RFTN2: variants seen among roughly 807,000 people sequenced by gnomAD.
RFTN2 encodes raftlin-2.
RFTN2 carries 34 observed loss-of-function variants against 52.7 expected under a neutral mutation model. The observed-to-expected ratio is 0.64, with a 90% CI of 0.49 to 0.86. RFTN2 has a LOEUF of 0.86. Among genes scored for constraint, RFTN2 ranks in the 40% least tolerant of loss-of-function variants. The probability of loss-of-function intolerance (pLI) is 0.00; values close to 1 mark genes in which losing one functional copy is unlikely to be tolerated. For missense variants in RFTN2, 536 were observed against 600.1 expected (o/e 0.89, Z 1.12); for synonymous variants, 203 against 217.7 (o/e 0.93, Z 0.59).
At position 197,572,350 on chromosome 2, in the gene RFTN2, C is replaced by T. The variant is rs2106156636; in HGVS notation, c.1234-70G>A. The T allele has an allele frequency of 3.4e-6, 5 of 1,466,658 alleles. No homozygotes were observed. The Middle Eastern group carries it at 8.8e-4, about 258-fold the overall frequency. The allele number at this position is 1,466,658 out of a possible 1,614,324, so 90.9% of individuals were successfully genotyped here. A position where few individuals can be genotyped will look rare whatever the true frequency, so the allele number is the denominator to read the frequency against. On this transcript the variant is annotated intron_variant, in intron 8 of 8. Transcript: ENST00000295049. ...TGTTTCCTGTCCCTCTGGTCTAGCA[C>T]ATGCTGCCTTTCTGCCTCCAGGAAT...
intron 7 of RFTN2, among the ~76,000 whole-genome samples, chr2:197,612,454 C>A (rs1016528682): frequency 2.0e-5 from 3 of 152,202 alleles, no homozygotes; most frequent in African/African-American, 7.2e-5. Flanking sequence ...AACTTTAGCT[C>A]CTCCTTCTCC....
intron 8 of RFTN2, among the ~76,000 whole-genome samples, chr2:197,590,921 A>T (rs571995954): frequency 1.3e-5 from 2 of 152,236 alleles, no homozygotes; most frequent in Admixed American, 1.3e-4. Flanking sequence ...TAAAAAAACA[A>T]AACTCCCCAA....
At chr2:197,577,466 T>C (rs2087437297) in intron 8 of RFTN2, among the ~76,000 whole-genome samples, 1 of 152,202 alleles carries the variant, frequency 6.6e-6, no homozygotes, top group Non-Finnish European at 1.5e-5. Context: ...TTCACCAAAT[T>C]TATTGAAATT....
intron 1 of RFTN2, among the ~76,000 whole-genome samples, chr2:197,672,004 T>C (rs576613440): frequency 7.1e-4 from 108 of 152,330 alleles, no homozygotes; most frequent in Non-Finnish European, 1.4e-3. Flanking sequence ...TCATATGCTC[T>C]CATAAACACA....
At chr2:197,665,556 G>C (rs1271749957) in intron 1 of RFTN2, among the ~76,000 whole-genome samples, 4 of 39,330 alleles carry the variant, frequency 1.0e-4, no homozygotes, top group South Asian at 7.4e-4. Context: ...TTACTGTTTT[G>C]ACTGTTTTAG....
At chr2:197,657,907 C>T (rs2088915513) in intron 1 of RFTN2, among the ~76,000 whole-genome samples, 1 of 151,938 alleles carries the variant, frequency 6.6e-6, no homozygotes, top group African/African-American at 2.4e-5. Flanking sequence ...TGTTTAAAAC[C>T]ATGCAGAAAT....
intron 7 of RFTN2, 146 bp downstream of exon 7, chr2:197,615,730 A>T (rs770383315): frequency 1.7e-6 from 1 of 574,812 alleles, no homozygotes; most frequent in South Asian, 2.0e-5. Context: ...ATATTTACTA[A>T]CCTCTAAGGT....
At chr2:197,589,564 T>C (rs1559340387) in intron 8 of RFTN2, among the ~76,000 whole-genome samples, 1 of 152,236 alleles carries the variant, frequency 6.6e-6, no homozygotes, top group Non-Finnish European at 1.5e-5. Context: ...TTTTAACAGG[T>C]GTATGATATC....
At chr2:197,634,546 C>T (rs576706401) in intron 3 of RFTN2, among the ~76,000 whole-genome samples, 11 of 152,092 alleles carry the variant, frequency 7.2e-5, no homozygotes, top group Admixed American at 2.6e-4. Context: ...GCTTTCTGAT[C>T]GGCTTATGTC....
chr2:197,631,124 C>T lies in RFTN2; in HGVS notation c.815G>A (p.Arg272Lys), dbSNP rs1324440086. 1 of 1,613,406 alleles carries T rather than the reference C, an allele frequency of 6.2e-7. No individual in the cohort carries two copies. The highest frequency in any genetic ancestry group is 1.3e-5 in the African/African-American group (1 of 75,018). ...QEGILSMKVT[R>K]KGSVISTLDA... is the part of the protein sequence containing the mutation. ...AAGTGTACTAATGACTGATCCTTTT[C>T]TTGTTACTTTCATTGACAGGATGCC... Residue 272 changes from arginine to lysine, a missense_variant, in exon 5 of 9, where the codon AGA becomes AAA. Transcript: ENST00000295049.
chr2:197,672,368 A>T (rs560193023), intron 1 of RFTN2, among the ~76,000 whole-genome samples: 2 of 152,212 alleles, frequency 1.3e-5, no homozygotes, highest in Non-Finnish European at 2.9e-5. Context: ...TATGGCCAGA[A>T]TAAGAAAAAT....
intron 5 of RFTN2, among the ~76,000 whole-genome samples, chr2:197,618,557 A>T (rs2088190800): frequency 6.8e-6 from 1 of 147,178 alleles, no homozygotes; most frequent in African/African-American, 2.5e-5. Context: ...ATCGTCTGGG[A>T]TGTGAGGAGC....
intron 8 of RFTN2, among the ~76,000 whole-genome samples, chr2:197,590,507 CACA>C (rs2087687456): frequency 6.6e-6 from 1 of 152,214 alleles, no homozygotes; most frequent in Non-Finnish European, 1.5e-5. Context: ...TTTCCTCCCC[CACA>C]ACAAGGGCAT....
intron 7 of RFTN2, among the ~76,000 whole-genome samples, chr2:197,610,727 C>A (rs998232330): frequency 6.6e-6 from 1 of 152,164 alleles, no homozygotes; most frequent in African/African-American, 2.4e-5. Context: ...TTTGCCCATT[C>A]AGTATGATAT....
intron 8 of RFTN2, among the ~76,000 whole-genome samples, chr2:197,588,807 C>T (rs528657003): frequency 1.3e-5 from 2 of 152,298 alleles, no homozygotes; most frequent in Admixed American, 1.3e-4. Flanking sequence ...CAAATCTCAT[C>T]TTGTAGCTCC....
At chr2:197,635,782 T>C (rs1166983055) in intron 3 of RFTN2, among the ~76,000 whole-genome samples, 1 of 145,592 alleles carries the variant, frequency 6.9e-6, no homozygotes, top group African/African-American at 2.5e-5. Flanking sequence ...TTGCCATTGC[T>C]TTTGGTGTTT....
chr2:197,664,627 A>G (rs530757790), intron 1 of RFTN2, among the ~76,000 whole-genome samples: 39 of 152,000 alleles, frequency 2.6e-4, no homozygotes, highest in Non-Finnish European at 4.4e-4. Context: ...AAAATTACAA[A>G]AAAAAAATTT....
chr2:197,615,807 TG>T (rs1445398760), intron 7 of RFTN2, 68 bp downstream of exon 7: 8 of 803,208 alleles, frequency 1.0e-5, no homozygotes, highest in Non-Finnish European at 1.6e-5. Flanking sequence ...TTTGTTGAAT[TG>T]AACTATCTAA....
chr2:197,619,625 T>C (rs1416579632), intron 5 of RFTN2, among the ~76,000 whole-genome samples: 1 of 149,266 alleles, frequency 6.7e-6, no homozygotes, highest in South Asian at 2.1e-4. Context: ...CAGGGTCCTC[T>C]GCCTAGGAAA....
Sources: gnomAD v4.1 joint callset for allele counts (sites outside exome capture counted in the v4.1 genomes callset) on GRCh38, gnomAD v4.1.1 for gene constraint, MANE v1.5 for transcripts, NCBI Gene and HGNC (gene_info 2026-07-23, HGNC 2026-07-21) for gene names.